CCDC14: variants seen among roughly 807,000 people sequenced by gnomAD.
CCDC14 encodes coiled-coil domain containing 14.
Under a neutral mutation model 81.4 loss-of-function variants are expected in CCDC14, and 71 were observed. That is an observed-to-expected ratio of 0.87 (90% CI 0.72 to 1.06). The LOEUF is 1.06. CCDC14 is among the 50% of genes least tolerant of loss of function. CCDC14 has a pLI of 0.00. For synonymous variants in CCDC14, 332 were observed against 364.8 expected, an observed-to-expected ratio of 0.91 and a Z score of 1.03; for missense variants, 1,046 against 1,047.3, an observed-to-expected ratio of 1.00 and a Z score of 0.02.
Position 123,946,976 on chromosome 3 carries a change from G to A in CCDC14, c.1028C>T (p.Ala343Val). 1.9e-6 allele frequency: 3 copies of A among 1,613,778 alleles called. No individual in the cohort carries two copies. Among genetic ancestry groups the A allele is most frequent in the Non-Finnish European group, 1.7e-6 (2 of 1,179,828 alleles). The change falls in exon 8 of 13, where the codon GCC (alanine) becomes GTC (valine). Residue 343 changes from alanine to valine, a missense_variant. By Grantham distance (64) the Ala-to-Val change is moderately conservative (BLOSUM62 0). Coordinates refer to ENST00000409697, the MANE Select transcript of CCDC14 (RefSeq NM_001366335.1). ...AFLATNEEKC[A>V]REQIREATSE... ...TGTGGCCTCTCTAATTTGCTCTCTG[G>A]CACATTTTTCTTCATTAGTGGCCAA... is the stretch of plus-strand genomic sequence containing the variant.
intron 5 of CCDC14, among the ~76,000 whole-genome samples, chr3:123,907,744 T>C (rs1233933990): frequency 1.3e-5 from 2 of 151,798 alleles, no homozygotes; most frequent in African/African-American, 4.8e-5. Flanking sequence ...TTTTCACCTC[T>C]GGGTAAACCA....
chr3:123,909,280 T>C (rs2034389224), downstream of CCDC14, among the ~76,000 whole-genome samples: 1 of 152,182 alleles, frequency 6.6e-6, no homozygotes. Context: ...GTAAGTCTCT[T>C]GCTCCAAAAG....
chr3:123,893,792 A>G (rs2034022804), downstream of CCDC14, among the ~76,000 whole-genome samples: 1 of 152,054 alleles, frequency 6.6e-6, no homozygotes, highest in Non-Finnish European at 1.5e-5. Flanking sequence ...GTCCATTGTA[A>G]TTTTGATTTG....
At chr3:123,920,028 TAACA>T (rs2034950079) in intron 12 of CCDC14, among the ~76,000 whole-genome samples, 2 of 151,994 alleles carry the variant, frequency 1.3e-5, no homozygotes, top group East Asian at 1.9e-4. Flanking sequence ...GGAAAATAAT[TAACA>T]AACAAAACAA....
intron 9 of CCDC14, among the ~76,000 whole-genome samples, chr3:123,943,239 C>A (rs1243087023): frequency 6.6e-6 from 1 of 151,916 alleles, no homozygotes; most frequent in Non-Finnish European, 1.5e-5. Context: ...CAAAAACATA[C>A]CTTTTATTAA....
chr3:123,890,846 G>A, the CCDC14 span, among the ~76,000 whole-genome samples: 28 of 152,246 alleles, frequency 1.8e-4, no homozygotes, highest in Admixed American at 7.8e-4. Flanking sequence ...ACTCTGTGTC[G>A]GGGCTCTGAC....
chr3:123,894,399 A>C (rs558375729), downstream of CCDC14, among the ~76,000 whole-genome samples: 1 of 152,244 alleles, frequency 6.6e-6, no homozygotes, highest in African/African-American at 2.4e-5. Context: ...TGAAACCTTC[A>C]ATTTTGTTGT....
intron 12 of CCDC14, among the ~76,000 whole-genome samples, chr3:123,924,370 T>A (rs2035236451): frequency 1.3e-5 from 2 of 152,120 alleles, no homozygotes; most frequent in African/African-American, 4.8e-5. Flanking sequence ...TCCATGACAC[T>A]GGTCCAGGCA....
chr3:123,947,327 A>C lies in CCDC14; in HGVS notation c.685-8T>G. On this transcript the variant is annotated splice_region_variant and splice_polypyrimidine_tract_variant and intron_variant, in intron 7 of 12. Coordinates refer to ENST00000409697, the MANE Select transcript of CCDC14 (RefSeq NM_001366335.1). ...GCCATCAGTTTGAACTTCCTAAAGA[A>C]AGATAAAAACAAGTCTTCAGAAGTA... The C allele has an allele frequency of 1.3e-6, 2 of 1,594,488 alleles. No homozygotes were observed. Among genetic ancestry groups the C allele is most frequent in the Non-Finnish European group, 1.7e-6 (2 of 1,169,876 alleles).
intron 5 of CCDC14, chr3:123,954,759 T>C (rs2037226515): frequency 6.6e-6 from 1 of 152,144 alleles, no homozygotes; most frequent in African/African-American, 2.4e-5. Flanking sequence ...ATTCCAAACA[T>C]ACTTAAAAGT....
chr3:123,908,657 G>A (rs962499732), downstream of CCDC14, among the ~76,000 whole-genome samples: 5 of 152,148 alleles, frequency 3.3e-5, no homozygotes, highest in African/African-American at 9.7e-5. Context: ...TATGTTAGGA[G>A]TTGAGAGAAG....
chr3:123,937,977 T>C (rs1001616315), intron 9 of CCDC14, among the ~76,000 whole-genome samples: 35 of 151,912 alleles, frequency 2.3e-4, no homozygotes, highest in African/African-American at 8.0e-4. Flanking sequence ...TGTGTGAATT[T>C]GTTTCTAGAC....
intron 12 of CCDC14, among the ~76,000 whole-genome samples, chr3:123,918,625 G>C (rs1478087530): frequency 6.6e-6 from 1 of 152,090 alleles, no homozygotes; most frequent in Non-Finnish European, 1.5e-5. Flanking sequence ...GAGTCCCCTG[G>C]GCCTGCAGTT....
chr3:123,910,573 TA>T (rs993995922), downstream of CCDC14, among the ~76,000 whole-genome samples: 6 of 150,892 alleles, frequency 4.0e-5, no homozygotes, highest in African/African-American at 4.9e-5. Context: ...GTGTCATGGT[TA>T]AAAAAAAAGT....
At chr3:123,916,468 TTGTGTGTGTGTGTGTG>T (rs71142765) in intron 12 of CCDC14, among the ~76,000 whole-genome samples, 1 of 146,066 alleles carries the variant, frequency 6.8e-6, no homozygotes, top group African/African-American at 2.6e-5. Context: ...ATATATGTGT[TTGTGTGTGTGTGTGTG>T]TGTGTGTGTG....
chr3:123,924,597 A>C (rs542931920), intron 12 of CCDC14, among the ~76,000 whole-genome samples: 1 of 152,176 alleles, frequency 6.6e-6, no homozygotes, highest in Non-Finnish European at 1.5e-5. Context: ...CAGCAAAAAA[A>C]CAAATAATTA....
At chr3:123,921,584 A>T (rs913211268) in intron 12 of CCDC14, among the ~76,000 whole-genome samples, 1 of 152,156 alleles carries the variant, frequency 6.6e-6, no homozygotes, top group Non-Finnish European at 1.5e-5. Flanking sequence ...GGCTCTCAAC[A>T]CTGTACAGAT....
chr3:123,956,628 C>A, intron 2 of CCDC14, 112 bp downstream of exon 2: 1 of 844,812 alleles, frequency 1.2e-6, no homozygotes. Flanking sequence ...TTCCTCAGAG[C>A]TTGTGATGGT....
chr3:123,960,870 G>C (rs1208898546), intron 1 of CCDC14, among the ~76,000 whole-genome samples: 2 of 152,246 alleles, frequency 1.3e-5, no homozygotes, highest in South Asian at 4.2e-4. Context: ...TAAGTCACTC[G>C]ACGCAGCGGC....
Sources: allele counts gnomAD v4.1 joint callset (sites outside exome capture counted in the v4.1 genomes callset), GRCh38; gene constraint gnomAD v4.1.1; transcripts MANE v1.5; gene names NCBI Gene and HGNC (gene_info 2026-07-23, HGNC 2026-07-21).